The following SLC35F3 variants were observed in gnomAD, a reference collection of about 807,000 sequenced individuals.
The protein encoded by SLC35F3 is putative thiamine transporter SLC35F3.
In SLC35F3, 25 loss-of-function variants were observed where a neutral mutation model predicts 49.9. That is an observed-to-expected ratio of 0.50 (90% confidence interval 0.37 to 0.70). The LOEUF (loss-of-function observed/expected upper bound fraction) is 0.70. SLC35F3 is among the 30% of genes least tolerant of loss of function. SLC35F3 has a pLI of 0.00. For missense variants in SLC35F3, 525 were observed against 639.8 expected, an observed-to-expected ratio of 0.82 and a Z score of 1.94; for synonymous variants, 275 against 265.4, an observed-to-expected ratio of 1.04 and a Z score of -0.35.
At chr1:234,122,885 T>A (rs889293522) in intron 2 of SLC35F3, among the ~76,000 whole-genome samples, 1 of 152,270 alleles carries the variant, frequency 6.6e-6, no homozygotes, top group African/African-American at 2.4e-5. Context: ...GCATTTGGGT[T>A]GGTTCCAAGC....
At chr1:234,108,763 A>T (rs543511333) in intron 2 of SLC35F3, among the ~76,000 whole-genome samples, 1,911 of 38,236 alleles carry the variant, frequency 0.05, 101 homozygotes, top group African/African-American at 0.16. Flanking sequence ...ATATATATAA[A>T]TATATATATC....
chr1:233,977,596 T>A (rs892991153), intron 2 of SLC35F3, among the ~76,000 whole-genome samples: 2 of 152,172 alleles, frequency 1.3e-5, no homozygotes, highest in Admixed American at 1.3e-4. Flanking sequence ...GGCTACTCTA[T>A]GCTATATATT....
chr1:233,970,500 G>A (rs959334263), intron 2 of SLC35F3, among the ~76,000 whole-genome samples: 1 of 152,198 alleles, frequency 6.6e-6, no homozygotes, highest in Non-Finnish European at 1.5e-5. Context: ...CATGAATTTA[G>A]GGGGCAGGGG....
At chr1:234,019,550 G>GT (rs143794508) in intron 2 of SLC35F3, among the ~76,000 whole-genome samples, 1 of 152,088 alleles carries the variant, frequency 6.6e-6, no homozygotes, top group African/African-American at 2.4e-5. Context: ...GACCTCAGGG[G>GT]TTTTTTTCCT....
chr1:234,049,374 CCTCT>C (rs999622825), intron 2 of SLC35F3, among the ~76,000 whole-genome samples: 4 of 152,060 alleles, frequency 2.6e-5, no homozygotes, highest in African/African-American at 4.8e-5. Flanking sequence ...CTCTCTCTCT[CCTCT>C]CTCTTTCTCC....
At chr1:234,212,814 C>A (rs998727649) in intron 2 of SLC35F3, 3 of 152,044 alleles carry the variant, frequency 2.0e-5, no homozygotes, top group African/African-American at 7.2e-5. Flanking sequence ...ACATGTAATT[C>A]TTTTGCTGTA....
chr1:234,125,744 T>G (rs1305552561), intron 2 of SLC35F3, among the ~76,000 whole-genome samples: 3 of 152,312 alleles, frequency 2.0e-5, no homozygotes, highest in East Asian at 3.9e-4. Context: ...TTTTTCATCC[T>G]CTGCATTGTT....
rs754076832 is a variant in SLC35F3 at position 234,027,347 on chromosome 1, G to T, written c.283+121589G>T. The T allele has an allele frequency of 6.6e-6, 1 of 152,318 alleles. No homozygotes were observed. Among genetic ancestry groups the T allele is most frequent in the Non-Finnish European group, 1.5e-5 (1 of 68,078 alleles). The allele number at this position is 152,318 out of a possible 1,614,324, so 9.4% of individuals were successfully genotyped here. ...CAGTGGAGTGTGGGGCACCAGGGCCGCTGTCCGTGCCACCTCACCATCCAC... is the reference window on the plus strand; with the variant it reads ...CAGTGGAGTGTGGGGCACCAGGGCCTCTGTCCGTGCCACCTCACCATCCAC... On this transcript the variant is annotated intron_variant, in intron 2 of 7. Coordinates refer to ENST00000366618, the MANE Select transcript of SLC35F3 (RefSeq NM_173508.4). The surrounding 1 kb of genome is among the most constrained non-coding windows in gnomAD (Gnocchi z 4.1).
rs1667361202 is a variant in SLC35F3, at chr1:234,231,080, A to G, written c.284-337A>G. ...GAGGAGTGTTTCCCAAAGCACGCAG[A>G]TCACCTGAGGAATGCAGGTTCTGAT... On this transcript the variant is annotated intron_variant, in intron 2 of 7. Coordinates refer to ENST00000366618, the MANE Select transcript of SLC35F3 (RefSeq NM_173508.4). This position sits in a 1 kb window ranked among gnomAD's most constrained non-coding sequence, Gnocchi z 5.4. Among the ~76,000 whole-genome samples the G allele has an allele frequency of 6.6e-6, 1 of 152,174 alleles. No individual in the cohort carries two copies. The highest frequency in any genetic ancestry group is 1.5e-5 in the Non-Finnish European group (1 of 68,028).
At chr1:234,114,935 T>G (rs1027743568) in intron 2 of SLC35F3, among the ~76,000 whole-genome samples, 1 of 152,206 alleles carries the variant, frequency 6.6e-6, no homozygotes, top group Non-Finnish European at 1.5e-5. Flanking sequence ...CTGTCATTGT[T>G]TATAAAGAGA....
At position 233,983,661 on chromosome 1, in the gene SLC35F3, C is replaced by G. The variant is rs542211716; in HGVS notation, c.283+77903C>G. On this transcript the variant is annotated intron_variant, in intron 2 of 7. Transcript: ENST00000366618. ...TTCTTCCCTTGCTAGCCATCATTAC[C>G]AGCTAGCTCCTTTGGAAACCACTTC... Among the ~76,000 whole-genome samples, 3 of 152,318 alleles carry G rather than the reference C, an allele frequency of 2.0e-5. No homozygotes were observed. In the South Asian group the frequency reaches 6.2e-4, roughly 32 times the overall value.
At chr1:233,969,546 T>C (rs1662959147) in intron 2 of SLC35F3, among the ~76,000 whole-genome samples, 1 of 152,238 alleles carries the variant, frequency 6.6e-6, no homozygotes, top group Non-Finnish European at 1.5e-5. Flanking sequence ...GAAGATTAGC[T>C]GTTTGAAATC....
rs144190101 is a variant in SLC35F3, at chr1:233,983,001, G to C, written c.283+77243G>C. On this transcript the variant is annotated intron_variant, in intron 2 of 7. Coordinates refer to ENST00000366618, the MANE Select transcript of SLC35F3 (RefSeq NM_173508.4). Reference sequence around the variant, plus strand: ...TATGACCAGGAGCAGGCGCGTGCCAGGTGTGTGCCAGGGGCAGGTAGGAGC... The same window carrying C: ...TATGACCAGGAGCAGGCGCGTGCCACGTGTGTGCCAGGGGCAGGTAGGAGC... Among the ~76,000 whole-genome samples the C allele has an allele frequency of 3.4e-3, 521 of 152,292 alleles. 4 individuals are homozygous for C. The South Asian group carries it at 0.041, about 12-fold the overall frequency.
intron 2 of SLC35F3, among the ~76,000 whole-genome samples, chr1:234,024,742 G>GA (rs1222284612): frequency 6.6e-6 from 1 of 152,094 alleles, no homozygotes; most frequent in Non-Finnish European, 1.5e-5. Context: ...CATGAGCAAC[G>GA]AACCCTCGTG....
At chr1:234,292,295 G>A (rs1157348033) in intron 3 of SLC35F3, among the ~76,000 whole-genome samples, 1 of 152,226 alleles carries the variant, frequency 6.6e-6, no homozygotes, top group East Asian at 1.9e-4. Flanking sequence ...CTACAGATCA[G>A]CAGGGTCTTG....
intron 2 of SLC35F3, among the ~76,000 whole-genome samples, chr1:234,025,772 A>G (rs1663967489): frequency 6.6e-6 from 1 of 151,846 alleles, no homozygotes; most frequent in Non-Finnish European, 1.5e-5. Flanking sequence ...TCGTCTGTTT[A>G]CTCTGTTGAT....
chr1:234,283,254 G>A (rs1668358108), intron 3 of SLC35F3, among the ~76,000 whole-genome samples: 2 of 152,190 alleles, frequency 1.3e-5, no homozygotes, highest in South Asian at 2.1e-4. Flanking sequence ...CCAAGCCAAC[G>A]TGCACATCAG....
intron 3 of SLC35F3, among the ~76,000 whole-genome samples, chr1:234,295,108 G>A (rs1168841962): frequency 6.6e-6 from 1 of 152,204 alleles, no homozygotes; most frequent in African/African-American, 2.4e-5. Flanking sequence ...GTCCCAGCTG[G>A]GCCCTGTGAT....
intron 2 of SLC35F3, among the ~76,000 whole-genome samples, chr1:233,970,395 A>G (rs948559084): frequency 6.6e-6 from 1 of 152,196 alleles, no homozygotes; most frequent in African/African-American, 2.4e-5. Flanking sequence ...TGCAGATAAT[A>G]TTACATGAGA....
Sources: allele counts gnomAD v4.1 joint callset (sites outside exome capture counted in the v4.1 genomes callset), GRCh38; gene constraint gnomAD v4.1.1; non-coding constraint Gnocchi (gnomAD v3.1); transcripts MANE v1.5; gene names NCBI Gene and HGNC (gene_info 2026-07-23, HGNC 2026-07-21).